The following SYCP2L variants were observed in gnomAD, a reference collection of about 807,000 sequenced individuals.
SYCP2L encodes synaptonemal complex protein 2-like.
A neutral mutation model predicts 125.8 loss-of-function variants in SYCP2L; 98 were observed. The ratio of observed to expected loss-of-function variants is 0.78; its 90% CI spans 0.66 to 0.92. The LOEUF is 0.92. Ranked by LOEUF, SYCP2L falls within the 40% of genes least tolerant of loss-of-function variation. The pLI, the probability that SYCP2L is intolerant of heterozygous loss-of-function variation, is 0.00. For missense variants in SYCP2L, 842 were observed against 936.4 expected (o/e 0.90, Z 1.32); for synonymous variants, 317 against 325.4 (o/e 0.97, Z 0.28).
chr6:10,901,910 C>T lies in SYCP2L; in HGVS notation c.467-767C>T, dbSNP rs373290912. ...AGTTCTGCCTTTCTCAGAGTCTAGT[C>T]TTTGCTCTCAATGTGGTTTCCTTGT... On this transcript the variant is annotated intron_variant, in intron 6 of 29. Coordinates refer to ENST00000283141, the MANE Select transcript of SYCP2L (RefSeq NM_001040274.3). 1.3e-4 allele frequency among the ~76,000 whole-genome samples: 20 copies of T among 152,354 alleles called. No homozygotes were observed. In the East Asian group the frequency reaches 3.5e-3, roughly 26 times the overall value.
In SYCP2L at chr6:10,954,868, C is replaced by T. The variant is rs955570594; in HGVS notation, c.1955-248C>T. ...AGGAACGCTCTGCCTAGTGAGGGGTCTGTGCTAAGCAGAGTGTTCCTAAAT... is the reference window on the plus strand; with the variant it reads ...AGGAACGCTCTGCCTAGTGAGGGGTTTGTGCTAAGCAGAGTGTTCCTAAAT... On this transcript the variant is annotated intron_variant, in intron 23 of 29. Transcript: ENST00000283141. The surrounding 1 kb of genome is among the most constrained non-coding windows in gnomAD (Gnocchi z 4.8). Among the ~76,000 whole-genome samples, 27 of 152,154 alleles carry T rather than the reference C, an allele frequency of 1.8e-4. No individual in the cohort carries two copies. Among genetic ancestry groups the T allele is most frequent in the Non-Finnish European group, 4.4e-5 (3 of 68,040 alleles).
At position 10,955,215 on chromosome 6, in the gene SYCP2L, C is replaced by T. The variant is rs780838664; in HGVS notation, c.2054C>T (p.Pro685Leu). 6 of 1,593,882 alleles carry T rather than the reference C, an allele frequency of 3.8e-6. No homozygotes were observed. In the South Asian group the frequency reaches 6.6e-5, roughly 18 times the overall value. The change falls in exon 24 of 30, where the codon CCA becomes CTA. Residue 685 changes from proline to leucine, a missense_variant and splice_region_variant. Physicochemically the swap from Pro to Leu is moderately conservative, Grantham distance 98. Coordinates refer to ENST00000283141, the MANE Select transcript of SYCP2L (RefSeq NM_001040274.3). ...PFSITEEREL[P>L]EGISTSSLEV... ...TCAATAACAGAAGAAAGAGAGTTGC[C>T]AGGTAACATCATGCACCCAGCCAAT...
chr6:10,893,637 A>G (rs1056654954), intron 2 of SYCP2L, among the ~76,000 whole-genome samples: 1 of 152,044 alleles, frequency 6.6e-6, no homozygotes, highest in Non-Finnish European at 1.5e-5. Flanking sequence ...AGGTGATGCC[A>G]GCGCTGTTGG....
rs149014443 is a variant in SYCP2L at position 10,894,346 on chromosome 6, G to A, written c.336+142G>A. ...ATTGATATCCATTCTTATTGCTTCT[G>A]TCTAACCAAAAATTAAATTCGACAT... On this transcript the variant is annotated intron_variant, in intron 4 of 29. Transcript: ENST00000283141. 3.1e-3 allele frequency: 3,462 copies of A among 1,130,902 alleles called. 12 individuals are homozygous for A. The highest frequency in any genetic ancestry group is 3.6e-3 in the Non-Finnish European group (2,834 of 790,876). The allele number at this position is 1,130,902 out of a possible 1,614,324, so 70.1% of individuals were successfully genotyped here.
chr6:10,970,189 C>T lies in SYCP2L; in HGVS notation c.*38-3763C>T, dbSNP rs116329740. Among the ~76,000 whole-genome samples the T allele has an allele frequency of 6.8e-3, 1,028 of 152,212 alleles. 14 individuals carry two copies. Among genetic ancestry groups the T allele is most frequent in the African/African-American group, 0.023 (961 of 41,552 alleles). Reference sequence around the variant, plus strand: ...GACATTTGAGCTGAAGTCTGAAGGTCGAGATGGAGCCAGCAGCAGGGAAGA... The same window carrying T: ...GACATTTGAGCTGAAGTCTGAAGGTTGAGATGGAGCCAGCAGCAGGGAAGA... On this transcript the variant is annotated intron_variant, in intron 29 of 29. Transcript: ENST00000283141.
intron 1 of SYCP2L, 92 bp downstream of exon 1, chr6:10,887,227 G>A: frequency 6.4e-7 from 1 of 1,560,538 alleles, no homozygotes; most frequent in South Asian, 1.1e-5. Flanking sequence ...CTGCCGCCTT[G>A]AGGTGTTCGC....
At chr6:10,942,869 C>A (rs1781248899) in intron 23 of SYCP2L, 123 bp downstream of exon 23, 1 of 860,038 alleles carries the variant, frequency 1.2e-6, no homozygotes, top group South Asian at 1.7e-5. Context: ...TATTGCCAGG[C>A]CGTGGAGGGA....
intron 20 of SYCP2L, among the ~76,000 whole-genome samples, chr6:10,932,078 C>T (rs1781007092): frequency 6.7e-6 from 1 of 148,376 alleles, no homozygotes; most frequent in South Asian, 2.1e-4. Context: ...TTCCAATTTC[C>T]TGCAAATTTA....
chr6:10,944,835 C>T (rs996566532), intron 23 of SYCP2L, among the ~76,000 whole-genome samples: 6 of 152,152 alleles, frequency 3.9e-5, no homozygotes, highest in African/African-American at 1.4e-4. Flanking sequence ...CTGCCTCAGC[C>T]TCCCAAGTAG....
In SYCP2L at chr6:10,905,638, A is replaced by G. The variant is rs533789356; in HGVS notation, c.642-382A>G. Among the ~76,000 whole-genome samples the G allele has an allele frequency of 4.9e-4, 74 of 152,330 alleles. 1 individual carries two copies. Among genetic ancestry groups the G allele is most frequent in the Admixed American group, 6.5e-4 (10 of 15,298 alleles). On this transcript the variant is annotated intron_variant, in intron 8 of 29. Transcript: ENST00000283141. ...ATCAAGCAGCTCATAGGAAAGAATC[A>G]CTGTCGTATCATTTCCTGCAAGTAT...
At chr6:10,900,028 C>T (rs767028748) in intron 6 of SYCP2L, among the ~76,000 whole-genome samples, 17 of 152,192 alleles carry the variant, frequency 1.1e-4, no homozygotes, top group East Asian at 3.8e-4. Context: ...ATTCACTCTA[C>T]GGTCATTGCT....
intron 2 of SYCP2L, among the ~76,000 whole-genome samples, chr6:10,892,173 A>G (rs577114664): frequency 1.3e-5 from 2 of 152,350 alleles, no homozygotes. Context: ...CCCCGAGGCA[A>G]GGAAGAGCTT....
rs1222410257 is a variant in SYCP2L at position 10,958,803 on chromosome 6, C to T, written c.2183C>T (p.Pro728Leu). Residue 728 changes from proline to leucine, a missense_variant, in exon 26 of 30, where the codon CCG becomes CTG. Physicochemically the swap from Pro to Leu is moderately conservative, Grantham distance 98. Transcript: ENST00000283141. ...ATTTAGCTTAGGTACAGAAAGCGTC[C>T]GTTTAATTCAGAAAATGCAAAGAAA... Reference protein sequence around the residue: ...RKYELRYRKRPFNSENAKKAP... With the variant: ...RKYELRYRKRLFNSENAKKAP... 6.2e-6 allele frequency: 10 copies of T among 1,613,170 alleles called. No individual in the cohort carries two copies. The highest frequency in any genetic ancestry group is 1.7e-5 in the Admixed American group (1 of 59,718).
At chr6:10,969,400 G>A (rs976095610) in intron 29 of SYCP2L, among the ~76,000 whole-genome samples, 18 of 132,560 alleles carry the variant, frequency 1.4e-4, no homozygotes, top group Admixed American at 3.5e-4. Context: ...TAGCTGTGTC[G>A]CCCAGGCTGG....
chr6:10,902,750 G>C lies in SYCP2L; in HGVS notation c.540G>C (p.Leu180Phe). 1 of 1,614,128 alleles carries C rather than the reference G, an allele frequency of 6.2e-7. No homozygotes were observed. The highest frequency in any genetic ancestry group is 8.5e-7 in the Non-Finnish European group (1 of 1,179,988). ...FLVTEKTVNH[L>F]LQQEGLKTFN... Reference sequence around the variant, plus strand: ...TGACAGAAAAGACTGTAAATCATTTGCTTCAACAGGAGGTGAGTTGCAAGT... The same window carrying C: ...TGACAGAAAAGACTGTAAATCATTTCCTTCAACAGGAGGTGAGTTGCAAGT... Residue 180 changes from leucine to phenylalanine, a missense_variant, in exon 7 of 30, where the codon TTG becomes TTC. By Grantham distance (22) the Leu-to-Phe change is conservative (BLOSUM62 0). Coordinates refer to ENST00000283141, the MANE Select transcript of SYCP2L (RefSeq NM_001040274.3).
intron 25 of SYCP2L, 141 bp downstream of exon 25, chr6:10,956,383 A>C: frequency 1.5e-6 from 1 of 646,516 alleles, no homozygotes; most frequent in Non-Finnish European, 2.6e-6. Context: ...AGGGAGGAGA[A>C]GGGTGGTTAC....
At chr6:10,959,668 G>A (rs1243862955) in intron 26 of SYCP2L, among the ~76,000 whole-genome samples, 1 of 151,934 alleles carries the variant, frequency 6.6e-6, no homozygotes, top group Non-Finnish European at 1.5e-5. Context: ...TCGGGAGTTC[G>A]AGACCAGCCT....
chr6:10,928,486 G>A, intron 18 of SYCP2L, 36 bp downstream of exon 18: 1 of 1,545,244 alleles, frequency 6.5e-7, no homozygotes, highest in Non-Finnish European at 8.7e-7. Flanking sequence ...TTTCTTATCT[G>A]TCTCCAGTGG....
Position 10,888,920 on chromosome 6 carries a change from G to A in SYCP2L, c.9+1785G>A, listed in dbSNP as rs185779215. On this transcript the variant is annotated intron_variant, in intron 1 of 29. Coordinates refer to ENST00000283141, the MANE Select transcript of SYCP2L (RefSeq NM_001040274.3). ...TCTGTCACCCAGGCTGGAGCGCAGTGGCTGGATCTCGGCTCACTGCAACCT... is the reference window on the plus strand; with the variant it reads ...TCTGTCACCCAGGCTGGAGCGCAGTAGCTGGATCTCGGCTCACTGCAACCT... Among the ~76,000 whole-genome samples, 1,006 of 152,186 alleles carry A rather than the reference G, an allele frequency of 6.6e-3. 8 individuals carry two copies. The highest frequency in any genetic ancestry group is 0.01 in the Non-Finnish European group (697 of 68,004).
Sources: gnomAD v4.1 joint callset for allele counts (sites outside exome capture counted in the v4.1 genomes callset) on GRCh38, gnomAD v4.1.1 for gene constraint, Gnocchi (gnomAD v3.1) non-coding constraint, MANE v1.5 for transcripts, NCBI Gene and HGNC (gene_info 2026-07-23, HGNC 2026-07-21) for gene names.